Variants in PHACTR3 observed in about 807,000 individuals in gnomAD.
PHACTR3 encodes the protein phosphatase and actin regulator 3.
PHACTR3 carries 16 observed loss-of-function variants against 66.8 expected under a neutral mutation model. That is an observed-to-expected ratio of 0.24 (90% CI 0.16 to 0.36). The LOEUF (loss-of-function observed/expected upper bound fraction) is 0.36, where lower values mean the gene tolerates loss of function less well. PHACTR3 is among the 10% of genes least tolerant of loss of function. PHACTR3 has a pLI of 1.00. For missense variants in PHACTR3, 647 were observed against 719.9 expected (o/e 0.90, Z 1.16); for synonymous variants, 323 against 292.1 (o/e 1.11, Z -1.08).
intron 7 of PHACTR3, among the ~76,000 whole-genome samples, chr20:59,805,091 G>C (rs1329896475): frequency 1.3e-5 from 2 of 152,222 alleles, no homozygotes; most frequent in Non-Finnish European, 2.9e-5. Context: ...TGGGGACTGT[G>C]CTGTTCGGAA....
intron 1 of PHACTR3, among the ~76,000 whole-genome samples, chr20:59,703,941 A>G (rs2037602763): frequency 6.6e-6 from 1 of 152,166 alleles, no homozygotes. Flanking sequence ...CTTTGAAAAC[A>G]TGATTTCTAA....
At chr20:59,807,692 C>T (rs889758658) in intron 8 of PHACTR3, among the ~76,000 whole-genome samples, 10 of 152,126 alleles carry the variant, frequency 6.6e-5, no homozygotes, top group African/African-American at 2.4e-4. Flanking sequence ...GTTAGGAACG[C>T]CTTACACCAC....
At chr20:59,612,021 G>T (rs528438132) in intron 1 of PHACTR3, among the ~76,000 whole-genome samples, 1 of 152,160 alleles carries the variant, frequency 6.6e-6, no homozygotes, top group Non-Finnish European at 1.5e-5. Context: ...TGGCCAAAGC[G>T]TGCCGGAGGG....
At position 59,847,360 on chromosome 20, in the gene PHACTR3, CAG is replaced by C. The variant is rs2059169642; in HGVS notation, c.*231_*232del. The C allele has an allele frequency of 2.5e-5, 10 of 403,616 alleles. No individual in the cohort carries two copies. The highest frequency in any genetic ancestry group is 3.7e-5 in the Non-Finnish European group (8 of 217,700). The allele number at this position is 403,616 out of a possible 1,614,324, so 25.0% of individuals were successfully genotyped here. A position where few individuals can be genotyped will look rare whatever the true frequency, so the allele number is the denominator to read the frequency against. On this transcript the variant is annotated 3_prime_UTR_variant, in exon 13 of 13. Transcript: ENST00000371015. ...TCTGAGGAGTGTGAACTGTTGGGGT[CAG>C]TTAAGACCCAACATAACTCTATCAG...
At chr20:59,643,121 C>T (rs2035163515) in intron 1 of PHACTR3, among the ~76,000 whole-genome samples, 2 of 152,152 alleles carry the variant, frequency 1.3e-5, no homozygotes, top group African/African-American at 2.4e-5. Flanking sequence ...CCATGTTAGC[C>T]AGGATGGTCT....
At chr20:59,664,513 C>T (rs1010293892) in intron 1 of PHACTR3, among the ~76,000 whole-genome samples, 4 of 152,168 alleles carry the variant, frequency 2.6e-5, no homozygotes, top group Non-Finnish European at 5.9e-5. Context: ...CTGTCTGGGT[C>T]CCCAGGATCA....
chr20:59,790,129 ATTTAAC>A (rs1030325902), intron 7 of PHACTR3, among the ~76,000 whole-genome samples: 11 of 152,228 alleles, frequency 7.2e-5, no homozygotes, highest in African/African-American at 1.9e-4. Context: ...CTTTTTTAAA[ATTTAAC>A]TTTAAAGTTC....
chr20:59,838,965 A>G (rs2059012326), intron 9 of PHACTR3, among the ~76,000 whole-genome samples: 1 of 152,092 alleles, frequency 6.6e-6, no homozygotes, highest in Non-Finnish European at 1.5e-5. Context: ...GCACTCTGAC[A>G]GGAACTTTCA....
rs138603773 is a variant in PHACTR3, at chr20:59,830,006, GCTGCT to G, written c.1329-6498_1329-6494del. On this transcript the variant is annotated intron_variant, in intron 8 of 12. Coordinates refer to ENST00000371015, the MANE Select transcript of PHACTR3 (RefSeq NM_080672.5). This position sits in a 1 kb window ranked among gnomAD's most constrained non-coding sequence, Gnocchi z 5.8. ...CTTCCTGAAATTACCTGCAGCCCCTGCTGCTGTGCTCATCATGCAGGAAGGCAGTC... is the reference window on the plus strand; with the variant it reads ...CTTCCTGAAATTACCTGCAGCCCCTGGTGCTCATCATGCAGGAAGGCAGTC... Among the ~76,000 whole-genome samples the G allele has an allele frequency of 0.024, 3,592 of 152,308 alleles. 142 individuals are homozygous for G. The highest frequency in any genetic ancestry group is 0.082 in the African/African-American group (3,403 of 41,542).
At chr20:59,728,318 G>T (rs2038637624) in intron 1 of PHACTR3, among the ~76,000 whole-genome samples, 1 of 152,110 alleles carries the variant, frequency 6.6e-6, no homozygotes, top group African/African-American at 2.4e-5. Flanking sequence ...GTAACATGGT[G>T]CAGTCATTGT....
chr20:59,764,763 C>G (rs1254028816), intron 4 of PHACTR3, among the ~76,000 whole-genome samples: 2 of 152,132 alleles, frequency 1.3e-5, no homozygotes, highest in Non-Finnish European at 2.9e-5. Context: ...TCCTGTAAAC[C>G]CAAACAATCA....
intron 1 of PHACTR3, among the ~76,000 whole-genome samples, chr20:59,693,952 A>G (rs536112659): frequency 1.3e-5 from 2 of 152,286 alleles, no homozygotes; most frequent in African/African-American, 4.8e-5. Context: ...TCCAGCCCAG[A>G]TTCAAAGGAA....
At chr20:59,799,333 A>C (rs947079363) in intron 7 of PHACTR3, among the ~76,000 whole-genome samples, 1 of 152,146 alleles carries the variant, frequency 6.6e-6, no homozygotes, top group Non-Finnish European at 1.5e-5. Context: ...TAGCCTTACA[A>C]GTTTTCTATT....
intron 8 of PHACTR3, among the ~76,000 whole-genome samples, chr20:59,822,993 T>C (rs557285837): frequency 1.1e-4 from 17 of 152,262 alleles, no homozygotes; most frequent in Non-Finnish European, 1.9e-4. Flanking sequence ...AGGCAGACAA[T>C]GCTCAGCGTC....
chr20:59,748,893 G>A (rs897080978), intron 3 of PHACTR3, among the ~76,000 whole-genome samples: 2 of 152,156 alleles, frequency 1.3e-5, no homozygotes, highest in African/African-American at 2.4e-5. Flanking sequence ...TGAAATAAAC[G>A]AATCCAGATT....
At chr20:59,794,400 G>A (rs1268947246) in intron 7 of PHACTR3, among the ~76,000 whole-genome samples, 1 of 152,074 alleles carries the variant, frequency 6.6e-6, no homozygotes, top group Non-Finnish European at 1.5e-5. Context: ...AATTCCACCT[G>A]ATCATGTTGA....
intron 8 of PHACTR3, among the ~76,000 whole-genome samples, chr20:59,812,380 T>C (rs2041761928): frequency 6.6e-6 from 1 of 152,204 alleles, no homozygotes; most frequent in South Asian, 2.1e-4. Context: ...TCCTGTGGCC[T>C]CCAGAACACG....
At chr20:59,755,534 G>T (rs2039755645) in intron 4 of PHACTR3, among the ~76,000 whole-genome samples, 170 bp downstream of exon 4, 2 of 152,218 alleles carry the variant, frequency 1.3e-5, no homozygotes, top group Non-Finnish European at 2.9e-5. Flanking sequence ...GGGTTGAAGT[G>T]TTTGCTGGGG....
intron 2 of PHACTR3, among the ~76,000 whole-genome samples, chr20:59,743,752 A>G (rs989112164): frequency 2.0e-5 from 3 of 152,216 alleles, no homozygotes; most frequent in African/African-American, 7.2e-5. Flanking sequence ...TAGTTGGCCA[A>G]GAGCCTCCTG....
Sources: allele counts gnomAD v4.1 joint callset (sites outside exome capture counted in the v4.1 genomes callset), GRCh38; gene constraint gnomAD v4.1.1; non-coding constraint Gnocchi (gnomAD v3.1); transcripts MANE v1.5; gene names NCBI Gene and HGNC (gene_info 2026-07-23, HGNC 2026-07-21).